Variants in ADAMTS16 observed in about 807,000 individuals in gnomAD.
ADAMTS16 encodes ADAM metallopeptidase with thrombospondin type 1 motif 16, also known as A disintegrin and metalloproteinase with thrombospondin motifs 16.
ADAMTS16 carries 94 observed loss-of-function variants against 145.8 expected under a neutral mutation model. That is an observed-to-expected ratio of 0.64 (90% CI 0.55 to 0.77). ADAMTS16 has a LOEUF of 0.77. Ranked by LOEUF, ADAMTS16 falls within the 30% of genes least tolerant of loss-of-function variation. The probability of loss-of-function intolerance (pLI) is 0.00; values close to 1 mark genes in which losing one functional copy is unlikely to be tolerated. For synonymous variants in ADAMTS16, 659 were observed against 604.3 expected (o/e 1.09, Z -1.33); for missense variants, 1,585 against 1,591.5 (o/e 1.00, Z 0.07).
intron 10 of ADAMTS16, among the ~76,000 whole-genome samples, chr5:5,212,433 C>G (rs946956163): frequency 3.9e-5 from 6 of 152,048 alleles, no homozygotes; most frequent in Non-Finnish European, 5.9e-5. Context: ...TGGTCTCGAT[C>G]TGACATCATG....
rs1244295025 is a variant in ADAMTS16 at position 5,235,083 on chromosome 5, TC to T, written c.1924del (p.Arg642GlyfsTer32). 1.9e-6 allele frequency: 3 copies of T among 1,606,700 alleles called. No individual in the cohort carries two copies. Among genetic ancestry groups the T allele is most frequent in the Non-Finnish European group, 2.6e-6 (3 of 1,173,984 alleles). ...TLKLCNSQKC[P>X]RDSVDFRAAQ... ...TGAAGCTCTGCAACAGTCAGAAATG[TC>T]CCCGGGACAGTGTTGACTTCCGTGC... On this transcript the variant is annotated frameshift_variant, in exon 13 of 23. Coordinates refer to ENST00000274181, the MANE Select transcript of ADAMTS16 (RefSeq NM_139056.4). LOFTEE classifies it high-confidence loss of function.
At chr5:5,170,635 C>G (rs377492739) in intron 3 of ADAMTS16, among the ~76,000 whole-genome samples, 1 of 152,182 alleles carries the variant, frequency 6.6e-6, no homozygotes, top group African/African-American at 2.4e-5. Flanking sequence ...GCCTCAGCCC[C>G]CCAAAGTGCT....
At chr5:5,272,334 C>T (rs1019536823) in intron 18 of ADAMTS16, among the ~76,000 whole-genome samples, 14 of 150,538 alleles carry the variant, frequency 9.3e-5, no homozygotes, top group Admixed American at 2.0e-4. Flanking sequence ...TTATTCTCGG[C>T]TGTTGCTGAT....
At chr5:5,307,847 G>A (rs558369307) in intron 21 of ADAMTS16, among the ~76,000 whole-genome samples, 2 of 152,216 alleles carry the variant, frequency 1.3e-5, no homozygotes, top group Admixed American at 1.3e-4. Context: ...CACTGCACTG[G>A]GGTCCTTGGG....
At chr5:5,190,825 GT>G (rs1735644968) in intron 7 of ADAMTS16, among the ~76,000 whole-genome samples, 1 of 152,178 alleles carries the variant, frequency 6.6e-6, no homozygotes, top group Admixed American at 6.5e-5. Context: ...TCCTCACCCA[GT>G]TGGCTCTTGG....
At chr5:5,211,565 G>T (rs966432219) in intron 10 of ADAMTS16, among the ~76,000 whole-genome samples, 1 of 152,072 alleles carries the variant, frequency 6.6e-6, no homozygotes, top group South Asian at 2.1e-4. Flanking sequence ...ACTAAGTTCT[G>T]TCTTGTCTTT....
At chr5:5,305,861 A>G (rs1740128964) in intron 20 of ADAMTS16, among the ~76,000 whole-genome samples, 1 of 152,230 alleles carries the variant, frequency 6.6e-6, no homozygotes, top group Admixed American at 6.5e-5. Context: ...GTGGTGGGAC[A>G]GTGTGCCTTG....
intron 3 of ADAMTS16, among the ~76,000 whole-genome samples, chr5:5,155,617 C>T (rs998357582): frequency 6.6e-6 from 1 of 152,152 alleles, no homozygotes; most frequent in African/African-American, 2.4e-5. Flanking sequence ...TAGGAGCTAG[C>T]TGGTGCTAGG....
intron 10 of ADAMTS16, among the ~76,000 whole-genome samples, chr5:5,216,505 T>C (rs1339232886): frequency 6.6e-6 from 1 of 152,206 alleles, no homozygotes; most frequent in Non-Finnish European, 1.5e-5. Flanking sequence ...CTGTTTCTTT[T>C]GCCACGTGAA....
chr5:5,316,634 TC>T (rs1734067270), intron 21 of ADAMTS16, among the ~76,000 whole-genome samples: 1 of 152,144 alleles, frequency 6.6e-6, no homozygotes, highest in South Asian at 2.1e-4. Flanking sequence ...CTCCCTTCCT[TC>T]CCTCTCTCTC....
At chr5:5,247,985 C>T (rs1246685312) in intron 17 of ADAMTS16, among the ~76,000 whole-genome samples, 1 of 152,254 alleles carries the variant, frequency 6.6e-6, no homozygotes, top group Admixed American at 6.5e-5. Flanking sequence ...TTTGAGCTAT[C>T]TTCCCTCTTC....
At chr5:5,282,049 C>T (rs925206215) in intron 18 of ADAMTS16, among the ~76,000 whole-genome samples, 10 of 151,936 alleles carry the variant, frequency 6.6e-5, no homozygotes, top group Non-Finnish European at 1.2e-4. Context: ...TATGCTCACC[C>T]GTTGAGCCTT....
chr5:5,181,508 G>A (rs2126558943), intron 3 of ADAMTS16, among the ~76,000 whole-genome samples: 1 of 152,186 alleles, frequency 6.6e-6, no homozygotes, highest in Non-Finnish European at 1.5e-5. Flanking sequence ...AAACCTTCCT[G>A]ATTCCCTAAG....
At chr5:5,175,391 A>C (rs1011139201) in intron 3 of ADAMTS16, among the ~76,000 whole-genome samples, 3 of 152,126 alleles carry the variant, frequency 2.0e-5, no homozygotes, top group Non-Finnish European at 4.4e-5. Flanking sequence ...TGCAAGACAA[A>C]GTGCTCGTTA....
At chr5:5,179,768 C>T (rs576480986) in intron 3 of ADAMTS16, among the ~76,000 whole-genome samples, 2 of 152,238 alleles carry the variant, frequency 1.3e-5, no homozygotes, top group East Asian at 3.9e-4. Context: ...TTTCCCATGG[C>T]TGTGTGGTAT....
chr5:5,168,649 T>TAA, intron 3 of ADAMTS16, among the ~76,000 whole-genome samples: 1 of 103,012 alleles, frequency 9.7e-6, no homozygotes, highest in African/African-American at 3.5e-5. Flanking sequence ...TATAATTATA[T>TAA]TTATATATTA....
intron 3 of ADAMTS16, among the ~76,000 whole-genome samples, chr5:5,181,717 C>A (rs938725843): frequency 2.0e-5 from 3 of 152,200 alleles, no homozygotes; most frequent in African/African-American, 7.2e-5. Flanking sequence ...TTCTTTCTTG[C>A]ACCGTCATTA....
chr5:5,201,139 G>T (rs1341206078), intron 9 of ADAMTS16, among the ~76,000 whole-genome samples: 1 of 152,100 alleles, frequency 6.6e-6, no homozygotes, highest in African/African-American at 2.4e-5. Flanking sequence ...CCTCTTCCAG[G>T]ACCTAGTTCC....
At chr5:5,198,701 T>C (rs1303080660) in intron 8 of ADAMTS16, among the ~76,000 whole-genome samples, 1 of 151,988 alleles carries the variant, frequency 6.6e-6, no homozygotes, top group African/African-American at 2.4e-5. Flanking sequence ...CTATATTTAC[T>C]AGTAATATAT....
Sources: gnomAD v4.1 joint callset for allele counts (sites outside exome capture counted in the v4.1 genomes callset) on GRCh38, gnomAD v4.1.1 for gene constraint, MANE v1.5 for transcripts, NCBI Gene and HGNC (gene_info 2026-07-23, HGNC 2026-07-21) for gene names.